CSNK1G2: variants seen among roughly 807,000 people sequenced by gnomAD.
CSNK1G2 encodes casein kinase 1 gamma 2.
In CSNK1G2, 11 loss-of-function variants were observed where a neutral mutation model predicts 48.0. The observed-to-expected ratio is 0.23, with a 90% CI of 0.14 to 0.38. The LOEUF (loss-of-function observed/expected upper bound fraction) is 0.38, where lower values mean the gene tolerates loss of function less well. Among genes scored for constraint, CSNK1G2 ranks in the 10% least tolerant of loss-of-function variants. The pLI, the probability that CSNK1G2 is intolerant of heterozygous loss-of-function variation, is 1.00. For synonymous variants in CSNK1G2, 337 were observed against 254.1 expected (o/e 1.33, Z -3.10); for missense variants, 446 against 595.5 (o/e 0.75, Z 2.61).
intron 1 of CSNK1G2, among the ~76,000 whole-genome samples, chr19:1,948,501 GAC>G (rs2014647862): frequency 7.5e-6 from 1 of 133,686 alleles, no homozygotes; most frequent in African/African-American, 2.9e-5. Flanking sequence ...CCATGTGGGC[GAC>G]AGAGTGAGAC....
chr19:1,942,045 G>A (rs1190901043), intron 1 of CSNK1G2, among the ~76,000 whole-genome samples: 1 of 152,128 alleles, frequency 6.6e-6, no homozygotes, highest in African/African-American at 2.4e-5. Context: ...AGCTCTTGAG[G>A]GGGAGAGCAG....
At chr19:1,948,096 G>A (rs888632593) in intron 1 of CSNK1G2, among the ~76,000 whole-genome samples, 2 of 152,166 alleles carry the variant, frequency 1.3e-5, no homozygotes, top group Non-Finnish European at 2.9e-5. Context: ...GCTTCGGGGG[G>A]CGGCCCCGCC....
intron 1 of CSNK1G2, among the ~76,000 whole-genome samples, chr19:1,946,084 A>T (rs1201083158): frequency 6.6e-6 from 1 of 152,002 alleles, no homozygotes; most frequent in African/African-American, 2.4e-5. Context: ...GAGAGGTGGG[A>T]AGTGCATCCC....
rs1034067211 is a variant in CSNK1G2, at chr19:1,981,106, A to G, written c.*903A>G. On this transcript the variant is annotated 3_prime_UTR_variant, in exon 12 of 12. Transcript: ENST00000255641. ...AAGCCCCCGGCCCAGCCCTGCAGGT[A>G]TATTGCAGGGGCCTGGGGGCGGCCC... 3 of 152,008 alleles carry G rather than the reference A, an allele frequency of 2.0e-5. No homozygotes were observed. Among genetic ancestry groups the G allele is most frequent in the Admixed American group, 6.5e-5 (1 of 15,280 alleles). The allele number at this position is 152,008 out of a possible 1,614,324, so 9.4% of individuals were successfully genotyped here.
At chr19:1,951,678 C>T (rs1483660646) in intron 1 of CSNK1G2, among the ~76,000 whole-genome samples, 2 of 107,122 alleles carry the variant, frequency 1.9e-5, no homozygotes, top group Non-Finnish European at 4.5e-5. Flanking sequence ...CCACCTTCCT[C>T]TTCTCTGCTG....
At chr19:1,958,523 T>A (rs1282628115) in intron 1 of CSNK1G2, among the ~76,000 whole-genome samples, 1 of 114,982 alleles carries the variant, frequency 8.7e-6, no homozygotes, top group Non-Finnish European at 1.8e-5. Flanking sequence ...TCCCAGGCAC[T>A]GTCCCCTGTC....
At position 1,979,419 on chromosome 19, in the gene CSNK1G2, GCCCCCGCCCTGTGC is replaced by G. The variant is rs1568206975; in HGVS notation, c.853+22_853+35del. The G allele has an allele frequency of 1.3e-5, 20 of 1,546,382 alleles. No individual in the cohort carries two copies. The highest frequency in any genetic ancestry group is 1.7e-5 in the Non-Finnish European group (19 of 1,145,350). Reference sequence around the variant, plus strand: ...AACTTCCCAGGTAAGGGGTCCCTGCGCCCCCGCCCTGTGCCCCCCACCCCCCACCCCCCACCCCC... The same window carrying G: ...AACTTCCCAGGTAAGGGGTCCCTGCGCCCCCACCCCCCACCCCCCACCCCC... On this transcript the variant is annotated intron_variant, in intron 8 of 11. Coordinates refer to ENST00000255641, the MANE Select transcript of CSNK1G2 (RefSeq NM_001319.7).
chr19:1,979,107 G>C lies in CSNK1G2; in HGVS notation c.682+14G>C, dbSNP rs999413228. The C allele has an allele frequency of 1.3e-5, 21 of 1,588,130 alleles. No individual in the cohort carries two copies. The highest frequency in any genetic ancestry group is 1.8e-5 in the Non-Finnish European group (21 of 1,172,066). On this transcript the variant is annotated intron_variant, in intron 6 of 11. Transcript: ENST00000255641. ...ACCTGGGCAAGGGTGAGCTGCGCGCGCGCGGCGGGGGGCGGGCGCCCGGAC... is the reference window on the plus strand; with the variant it reads ...ACCTGGGCAAGGGTGAGCTGCGCGCCCGCGGCGGGGGGCGGGCGCCCGGAC...
Position 1,979,623 on chromosome 19 carries a change from G to A in CSNK1G2, c.982G>A (p.Asp328Asn). The A allele has an allele frequency of 1.2e-6, 2 of 1,604,794 alleles. No homozygotes were observed. The highest frequency in any genetic ancestry group is 1.7e-6 in the Non-Finnish European group (2 of 1,179,868). Reference sequence around the variant, plus strand: ...TGGCTTCGTGTTCGACTATGAGTACGACTGGGCCGGGAAGCCCCTGGTAGG... The same window carrying A: ...TGGCTTCGTGTTCGACTATGAGTACAACTGGGCCGGGAAGCCCCTGGTAGG... ...RSGFVFDYEY[D>N]WAGKPLPTPI... The change falls in exon 9 of 12, where the codon GAC becomes AAC. Residue 328 changes from aspartate (D) to asparagine (N), a missense_variant. By Grantham distance (23) the Asp-to-Asn change is conservative (BLOSUM62 1). Around this residue, in one of 2 missense-constraint regions of CSNK1G2, gnomAD observed 188 missense variants for 179.6 expected, o/e 1.05. Coordinates refer to ENST00000255641, the MANE Select transcript of CSNK1G2 (RefSeq NM_001319.7).
chr19:1,960,155 A>C (rs2015150350), intron 1 of CSNK1G2, among the ~76,000 whole-genome samples: 1 of 152,190 alleles, frequency 6.6e-6, no homozygotes, highest in Non-Finnish European at 1.5e-5. Context: ...CTGCGTCAGC[A>C]CAGGGGCGTG....
rs1441767737 is a variant in CSNK1G2, at chr19:1,980,033, G to A, written c.1193+16G>A. ...ATGAAACCAAGTAAGGCTCTGGGGCGGTGCCTTCGGGGAGGTGGGGGTGCC... is the reference window on the plus strand; with the variant it reads ...ATGAAACCAAGTAAGGCTCTGGGGCAGTGCCTTCGGGGAGGTGGGGGTGCC... On this transcript the variant is annotated intron_variant, in intron 11 of 11. Transcript: ENST00000255641. 13 of 1,580,154 alleles carry A rather than the reference G, an allele frequency of 8.2e-6. No homozygotes were observed. In the East Asian group the frequency reaches 1.6e-4, roughly 19 times the overall value.
chr19:1,948,236 G>A (rs765544774), intron 1 of CSNK1G2, among the ~76,000 whole-genome samples: 3 of 152,126 alleles, frequency 2.0e-5, no homozygotes, highest in Admixed American at 6.5e-5. Context: ...TAAAATTAAC[G>A]ATCCCGGCCG....
chr19:1,943,402 T>C (rs2014439590), intron 1 of CSNK1G2, among the ~76,000 whole-genome samples: 1 of 152,230 alleles, frequency 6.6e-6, no homozygotes, highest in Non-Finnish European at 1.5e-5. Context: ...TGCAGCACTT[T>C]GTGCAGACAG....
Position 1,977,794 on chromosome 19 carries a change from C to T in CSNK1G2, c.188-511C>T, listed in dbSNP as rs117454467. ...AAGGTTCTGGGCCTCGTACCTTCTG[C>T]GCTTTCATGAGACTCAGCCCTGGAA... On this transcript the variant is annotated intron_variant, in intron 2 of 11. Transcript: ENST00000255641. 8.6e-4 allele frequency among the ~76,000 whole-genome samples: 130 copies of T among 150,824 alleles called. 4 individuals are homozygous for T. The East Asian group carries it at 0.017, about 19-fold the overall frequency.
Position 1,980,496 on chromosome 19 carries a change from C to G in CSNK1G2, c.*293C>G. The G allele has an allele frequency of 2.1e-6, 1 of 479,924 alleles. No homozygotes were observed. Among genetic ancestry groups the G allele is most frequent in the Admixed American group, 3.8e-5 (1 of 26,122 alleles). The allele number at this position is 479,924 out of a possible 1,614,324, so 29.7% of individuals were successfully genotyped here. A position where few individuals can be genotyped will look rare whatever the true frequency, so the allele number is the denominator to read the frequency against. On this transcript the variant is annotated 3_prime_UTR_variant, in exon 12 of 12. Coordinates refer to ENST00000255641, the MANE Select transcript of CSNK1G2 (RefSeq NM_001319.7). ...AGGAAAAAAAAAACAGAGGCCCGCC[C>G]TACCCCACTCCTGCCCCTCCGTTTC... is the stretch of plus-strand genomic sequence containing the variant.
chr19:1,980,386 C>G lies in CSNK1G2; in HGVS notation c.*183C>G. On this transcript the variant is annotated 3_prime_UTR_variant, in exon 12 of 12. Transcript: ENST00000255641. ...CACCCCCGGGACGTGGGGTCACTTC[C>G]TTCATGTAAGACTTTGGCCGAAATT... is the stretch of plus-strand genomic sequence containing the variant. 2 of 710,740 alleles carry G rather than the reference C, an allele frequency of 2.8e-6. No homozygotes were observed. The highest frequency in any genetic ancestry group is 1.6e-5 in the South Asian group (1 of 62,414). 44.0% of individuals were successfully genotyped at this position (710,740 alleles called of 1,614,324 possible). A position where few individuals can be genotyped will look rare whatever the true frequency, so the allele number is the denominator to read the frequency against.
chr19:1,967,398 C>G (rs1038788805), intron 1 of CSNK1G2, among the ~76,000 whole-genome samples: 2 of 152,190 alleles, frequency 1.3e-5, no homozygotes, highest in African/African-American at 4.8e-5. Flanking sequence ...GGCACAGCAG[C>G]AAACTGTGGT....
In CSNK1G2 at chr19:1,955,271, C is replaced by T. The variant is rs552184262; in HGVS notation, c.-266+13853C>T. On this transcript the variant is annotated intron_variant, in intron 1 of 11. Transcript: ENST00000255641. The stretch of plus-strand genomic sequence containing the variant: ...GCCCACGGAACACAGCCCAGGGTGG[C>T]GGCCCTGCCTGTCCTCTGACTGCCC... Among the ~76,000 whole-genome samples the T allele has an allele frequency of 1.1e-4, 17 of 151,790 alleles. No homozygotes were observed. In the South Asian group the frequency reaches 1.5e-3, roughly 13 times the overall value.
In CSNK1G2 at chr19:1,976,833, G is replaced by A. The variant is rs531228386; in HGVS notation, c.188-1472G>A. Among the ~76,000 whole-genome samples, 10 of 151,872 alleles carry A rather than the reference G, an allele frequency of 6.6e-5. 2 individuals carry two copies. The highest frequency in any genetic ancestry group is 1.9e-4 in the African/African-American group (8 of 41,438). Reference sequence around the variant, plus strand: ...CAGCTCACCACAACCTTCACCTCCCGGGTTCAGGCAATTCTCCTGCCTCAG... The same window carrying A: ...CAGCTCACCACAACCTTCACCTCCCAGGTTCAGGCAATTCTCCTGCCTCAG... On this transcript the variant is annotated intron_variant, in intron 2 of 11. Coordinates refer to ENST00000255641, the MANE Select transcript of CSNK1G2 (RefSeq NM_001319.7).
Sources: allele counts gnomAD v4.1 joint callset (sites outside exome capture counted in the v4.1 genomes callset), GRCh38; gene constraint gnomAD v4.1.1; regional missense constraint gnomAD v4.1.1; transcripts MANE v1.5; gene names NCBI Gene and HGNC (gene_info 2026-07-23, HGNC 2026-07-21).